DIAPH2: variants seen among roughly 807,000 people sequenced by gnomAD.
The protein encoded by DIAPH2 is diaphanous related formin 2, also known as protein diaphanous homolog 2.
A neutral mutation model predicts 92.7 loss-of-function variants in DIAPH2; 35 were observed. That is an observed-to-expected ratio of 0.38 (90% CI 0.29 to 0.50). The LOEUF (loss-of-function observed/expected upper bound fraction) is 0.50. DIAPH2 is among the 20% of genes least tolerant of loss of function. The pLI is 0.94. For missense variants in DIAPH2, 701 were observed against 819.5 expected, an observed-to-expected ratio of 0.86 and a Z score of 1.77; for synonymous variants, 301 against 280.4, an observed-to-expected ratio of 1.07 and a Z score of -0.73.
intron 24 of DIAPH2, among the ~76,000 whole-genome samples, chrX:97,364,721 A>G (rs1416599600): frequency 1.1e-5 from 1 of 95,039 alleles, no homozygotes; most frequent in Admixed American, 1.1e-4. Flanking sequence ...TAAAGGCGGG[A>G]TTTCTTGGTT....
At chrX:97,507,205 A>T (rs1220535905) in intron 26 of DIAPH2, among the ~76,000 whole-genome samples, 1 of 108,322 alleles carries the variant, frequency 9.2e-6, no homozygotes, top group Non-Finnish European at 1.9e-5. Flanking sequence ...TTTTTTTACA[A>T]CAATTTTATG....
chrX:97,425,547 G>C (rs1040768052), intron 25 of DIAPH2, among the ~76,000 whole-genome samples: 1 of 110,390 alleles, frequency 9.1e-6, no homozygotes, highest in East Asian at 2.8e-4. Context: ...GGCTGAGGTT[G>C]GCTGATCACT....
chrX:96,826,395 C>T (rs1001719761), intron 4 of DIAPH2, among the ~76,000 whole-genome samples: 3 of 108,805 alleles, frequency 2.8e-5, no homozygotes, highest in Non-Finnish European at 3.8e-5. Context: ...CTAGCCTGGG[C>T]GACAGAACAA....
chrX:97,264,327 G>T (rs1417171329), intron 23 of DIAPH2, among the ~76,000 whole-genome samples: 1 of 111,275 alleles, frequency 9.0e-6, no homozygotes, highest in East Asian at 2.8e-4. Flanking sequence ...ACAGATGATT[G>T]TTTGGCCCCT....
intron 24 of DIAPH2, among the ~76,000 whole-genome samples, chrX:97,368,899 CTTT>C (rs386417287): frequency 6.3e-4 from 33 of 52,067 alleles, no homozygotes; most frequent in Non-Finnish European, 9.9e-4. Context: ...TCTACCCTTT[CTTT>C]TTTTTTTTTT....
rs1000977905 is a variant in DIAPH2, at chrX:97,386,785, T to G, written c.3145+2741T>G. On this transcript the variant is annotated intron_variant, in intron 25 of 26. Transcript: ENST00000324765. ...CAGGGGACAGATTGTGAGCTCTCTT[T>G]CTTTCTTTTTTTTTTTTTTTTAATT... 8.3e-5 allele frequency among the ~76,000 whole-genome samples: 9 copies of G among 108,657 alleles called. No individual in the cohort carries two copies. In the Admixed American group the frequency reaches 8.8e-4, roughly 11 times the overall value. 94.4% of individuals were successfully genotyped at this position (108,657 alleles called of 115,157 possible). A position where few individuals can be genotyped will look rare whatever the true frequency, so the allele number is the denominator to read the frequency against.
At chrX:97,185,009 T>G (rs1187307070) in intron 22 of DIAPH2, among the ~76,000 whole-genome samples, 1 of 108,082 alleles carries the variant, frequency 9.3e-6, no homozygotes. Context: ...CTGGATGCGG[T>G]GGCTCACGCA....
chrX:97,537,764 G>C (rs2071107416), intron 26 of DIAPH2, among the ~76,000 whole-genome samples: 1 of 111,997 alleles, frequency 8.9e-6, no homozygotes, highest in South Asian at 3.7e-4. Flanking sequence ...CATGTGAATG[G>C]ACTTAGAAGA....
intron 23 of DIAPH2, among the ~76,000 whole-genome samples, chrX:97,275,372 G>C (rs1474300914): frequency 1.0e-5 from 1 of 99,817 alleles, no homozygotes. Flanking sequence ...GGCGGGGGCT[G>C]CCCCCCCCAC....
intron 22 of DIAPH2, among the ~76,000 whole-genome samples, chrX:97,222,656 G>A (rs2067935103): frequency 8.9e-6 from 1 of 112,125 alleles, no homozygotes; most frequent in African/African-American, 3.2e-5. Context: ...TCCTAAATTC[G>A]CTTTAACATA....
intron 26 of DIAPH2, among the ~76,000 whole-genome samples, chrX:97,502,670 A>G (rs2070806830): frequency 8.9e-6 from 1 of 112,631 alleles, no homozygotes; most frequent in Non-Finnish European, 1.9e-5. Context: ...GTAAGTTGTG[A>G]CAGTAATTTT....
intron 26 of DIAPH2, among the ~76,000 whole-genome samples, chrX:97,540,081 C>G (rs1328167704): frequency 8.9e-6 from 1 of 111,949 alleles, no homozygotes; most frequent in Non-Finnish European, 1.9e-5. Flanking sequence ...TCCATCTGCT[C>G]TATCAGTGAA....
At chrX:97,397,832 T>C (rs1946966941) in intron 25 of DIAPH2, among the ~76,000 whole-genome samples, 2 of 112,419 alleles carry the variant, frequency 1.8e-5, no homozygotes, top group Admixed American at 1.9e-4. Context: ...GAACAGTATT[T>C]CTGTGAAAGG....
intron 9 of DIAPH2, among the ~76,000 whole-genome samples, chrX:96,927,766 G>A (rs2065593971): frequency 1.8e-5 from 2 of 110,928 alleles, no homozygotes; most frequent in South Asian, 7.7e-4. Context: ...TAAAGGAGAG[G>A]AGTGGTAGAC....
intron 5 of DIAPH2, among the ~76,000 whole-genome samples, chrX:96,900,693 T>C (rs778507333): frequency 8.9e-6 from 1 of 112,068 alleles, no homozygotes; most frequent in Non-Finnish European, 1.9e-5. Context: ...ATGCTCTTTC[T>C]GCATCTATTG....
chrX:97,270,844 A>C (rs1180305866), intron 23 of DIAPH2, among the ~76,000 whole-genome samples: 1 of 110,061 alleles, frequency 9.1e-6, no homozygotes, highest in Non-Finnish European at 1.9e-5. Flanking sequence ...TGAATTCCAC[A>C]TTCCCATGTA....
chrX:97,094,255 T>C (rs2066849381), intron 19 of DIAPH2, among the ~76,000 whole-genome samples: 1 of 111,655 alleles, frequency 9.0e-6, no homozygotes, highest in Admixed American at 9.5e-5. Flanking sequence ...TGAGGTGATA[T>C]TGATCATGGG....
chrX:96,952,321 T>C (rs905194106), intron 15 of DIAPH2, among the ~76,000 whole-genome samples: 2 of 111,460 alleles, frequency 1.8e-5, no homozygotes, highest in African/African-American at 6.5e-5. Context: ...CTAGTGTGAG[T>C]GAATATTATG....
At chrX:97,482,463 T>C (rs763047304) in intron 26 of DIAPH2, among the ~76,000 whole-genome samples, 1 of 111,654 alleles carries the variant, frequency 9.0e-6, no homozygotes, top group African/African-American at 3.2e-5. Flanking sequence ...CCCCATACCA[T>C]TTTTCTCTTG....
Sources: gnomAD v4.1 joint callset for allele counts (sites outside exome capture counted in the v4.1 genomes callset) on GRCh38, gnomAD v4.1.1 for gene constraint, MANE v1.5 for transcripts, NCBI Gene and HGNC (gene_info 2026-07-23, HGNC 2026-07-21) for gene names.